TYW1: variants seen among roughly 807,000 people sequenced by gnomAD.
TYW1 encodes tRNA-yW synthesizing protein 1 homolog, also known as S-adenosyl-L-methionine-dependent tRNA 4-demethylwyosine synthase TYW1.
TYW1 carries 46 observed loss-of-function variants against 96.2 expected under a neutral mutation model. That is an observed-to-expected ratio of 0.48 (90% confidence interval 0.38 to 0.61). TYW1 has a LOEUF of 0.61. Ranked by LOEUF, TYW1 falls within the 20% of genes least tolerant of loss-of-function variation. TYW1 has a pLI of 0.00. For missense variants in TYW1, 684 were observed against 909.6 expected (o/e 0.75, Z 3.19); for synonymous variants, 274 against 323.0 (o/e 0.85, Z 1.63).
intron 15 of TYW1, among the ~76,000 whole-genome samples, chr7:67,235,910 A>AAAAAAG: frequency 7.3e-6 from 1 of 136,380 alleles, no homozygotes; most frequent in African/African-American, 2.9e-5. Flanking sequence ...AAAAAAAAAA[A>AAAAAAG]GAAAAAGAGG....
chr7:67,180,894 T>A (rs899219474), intron 13 of TYW1, among the ~76,000 whole-genome samples: 58 of 152,264 alleles, frequency 3.8e-4, no homozygotes, highest in Middle Eastern at 3.4e-3. Flanking sequence ...GCCACCCACC[T>A]CGGCCTCCCA....
intron 9 of TYW1, among the ~76,000 whole-genome samples, chr7:67,056,880 ACTT>A (rs1222699802): frequency 2.0e-5 from 3 of 152,152 alleles, no homozygotes; most frequent in Admixed American, 6.6e-5. Flanking sequence ...TGGTTGTACT[ACTT>A]TATACTTGCT....
intron 7 of TYW1, among the ~76,000 whole-genome samples, chr7:67,029,803 G>A (rs1481718167): frequency 6.6e-6 from 1 of 151,998 alleles, no homozygotes; most frequent in Non-Finnish European, 1.5e-5. Context: ...TGGGCTCAAG[G>A]GATCCTCCCA....
intron 7 of TYW1, among the ~76,000 whole-genome samples, chr7:67,032,991 G>C (rs893400137): frequency 1.3e-4 from 18 of 138,370 alleles, no homozygotes; most frequent in Non-Finnish European, 1.8e-4. Flanking sequence ...CTGCCTCCCA[G>C]GTTCAAGCGA....
intron 3 of TYW1, among the ~76,000 whole-genome samples, chr7:67,008,393 G>A (rs1382648363): frequency 1.3e-5 from 2 of 152,150 alleles, no homozygotes; most frequent in African/African-American, 2.4e-5. Flanking sequence ...TCCCTGTTGG[G>A]GCTGGGGTAG....
chr7:67,149,367 A>C (rs1238231144), intron 13 of TYW1, among the ~76,000 whole-genome samples: 1 of 152,216 alleles, frequency 6.6e-6, no homozygotes, highest in African/African-American at 2.4e-5. Flanking sequence ...TATGGGTTCT[A>C]TTTGATTTAT....
intron 13 of TYW1, among the ~76,000 whole-genome samples, chr7:67,157,110 C>T (rs1414517216): frequency 1.3e-5 from 2 of 151,914 alleles, no homozygotes; most frequent in Non-Finnish European, 2.9e-5. Context: ...GAGTACCAAG[C>T]GCCTCTAGTC....
At chr7:67,227,838 T>C (rs1801616458) in intron 15 of TYW1, among the ~76,000 whole-genome samples, 1 of 152,242 alleles carries the variant, frequency 6.6e-6, no homozygotes, top group Non-Finnish European at 1.5e-5. Flanking sequence ...GCTCCAGGCA[T>C]GGAATTCTCC....
chr7:67,231,693 G>A (rs1170427481), intron 15 of TYW1, among the ~76,000 whole-genome samples: 2 of 151,718 alleles, frequency 1.3e-5, no homozygotes, highest in Admixed American at 6.6e-5. Flanking sequence ...TTTCTCATTC[G>A]ATTTTCTCTT....
intron 13 of TYW1, among the ~76,000 whole-genome samples, chr7:67,127,336 C>T (rs1207981377): frequency 1.3e-5 from 2 of 151,572 alleles, no homozygotes; most frequent in East Asian, 3.9e-4. Context: ...TTTTTTTAAT[C>T]TTTAGTAGAG....
At chr7:67,001,168 G>A (rs1442615042) in intron 3 of TYW1, among the ~76,000 whole-genome samples, 3 of 152,112 alleles carry the variant, frequency 2.0e-5, no homozygotes, top group Non-Finnish European at 2.9e-5. Flanking sequence ...ATAATGAAAT[G>A]TACTCTCCAG....
At chr7:67,022,761 C>A (rs973754176) in intron 6 of TYW1, among the ~76,000 whole-genome samples, 18 of 152,184 alleles carry the variant, frequency 1.2e-4, no homozygotes, top group African/African-American at 3.4e-4. Context: ...AGAACACATT[C>A]ATACACTTAT....
intron 6 of TYW1, 64 bp from the exon 7 acceptor site, chr7:67,024,836 G>A: frequency 1.3e-6 from 2 of 1,587,644 alleles, no homozygotes; most frequent in Non-Finnish European, 1.7e-6. Flanking sequence ...GTGTGGGAGG[G>A]AGGGTAAGAG....
intron 13 of TYW1, among the ~76,000 whole-genome samples, chr7:67,175,137 G>A (rs1207478616): frequency 6.6e-6 from 1 of 151,444 alleles, no homozygotes; most frequent in Non-Finnish European, 1.5e-5. Context: ...GAGAGGAATA[G>A]TAGCACTTTC....
intron 15 of TYW1, among the ~76,000 whole-genome samples, chr7:67,223,544 A>C (rs1354216300): frequency 2.0e-5 from 3 of 151,430 alleles, no homozygotes; most frequent in African/African-American, 7.3e-5. Flanking sequence ...GAGAAAAGTG[A>C]AAGAGTAGGG....
intron 15 of TYW1, among the ~76,000 whole-genome samples, chr7:67,220,693 A>G (rs1801360190): frequency 6.6e-6 from 1 of 151,098 alleles, no homozygotes; most frequent in South Asian, 2.1e-4. Context: ...TGTTAAATCA[A>G]GTTGGCTTAT....
At chr7:67,137,388 G>A (rs1282218900) in intron 13 of TYW1, among the ~76,000 whole-genome samples, 3 of 151,910 alleles carry the variant, frequency 2.0e-5, no homozygotes, top group Non-Finnish European at 4.4e-5. Flanking sequence ...GGCCGAGGTG[G>A]GAGGAACTCT....
At chr7:67,118,878 G>GAAAAAAA (rs60194362) in intron 13 of TYW1, among the ~76,000 whole-genome samples, 2 of 72,242 alleles carry the variant, frequency 2.8e-5, no homozygotes, top group African/African-American at 3.9e-5. Context: ...ACCCCTATCT[G>GAAAAAAA]AAAAAAAAAA....
At chr7:67,044,360 A>G (rs1795122924) in intron 7 of TYW1, among the ~76,000 whole-genome samples, 1 of 151,814 alleles carries the variant, frequency 6.6e-6, no homozygotes, top group Non-Finnish European at 1.5e-5. Context: ...AGCCTCCCAA[A>G]GTGCTGGGAT....
Sources: gnomAD v4.1 joint callset for allele counts (sites outside exome capture counted in the v4.1 genomes callset) on GRCh38, gnomAD v4.1.1 for gene constraint, MANE v1.5 for transcripts, NCBI Gene and HGNC (gene_info 2026-07-23, HGNC 2026-07-21) for gene names.